Variants in HS3ST4 observed in about 807,000 individuals in gnomAD.
HS3ST4 encodes heparan sulfate glucosamine 3-O-sulfotransferase 4.
In HS3ST4, 17 loss-of-function variants were observed where a neutral mutation model predicts 29.2. That is an observed-to-expected ratio of 0.58 (90% CI 0.40 to 0.87). The LOEUF (loss-of-function observed/expected upper bound fraction) is 0.87. Among genes scored for constraint, HS3ST4 ranks in the 40% least tolerant of loss-of-function variants. The pLI, the probability that HS3ST4 is intolerant of heterozygous loss-of-function variation, is 0.00. For missense variants in HS3ST4, 627 were observed against 634.5 expected (o/e 0.99, Z 0.13); for synonymous variants, 314 against 285.7 (o/e 1.10, Z -1.00).
intron 1 of HS3ST4, among the ~76,000 whole-genome samples, chr16:25,882,128 G>GT (rs1194284778): frequency 6.6e-6 from 1 of 152,160 alleles, no homozygotes; most frequent in African/African-American, 2.4e-5. Context: ...GTAAATTCAG[G>GT]TAAGCTAGTG....
chr16:26,033,098 G>A (rs1303565630), intron 1 of HS3ST4, among the ~76,000 whole-genome samples: 1 of 152,176 alleles, frequency 6.6e-6, no homozygotes, highest in Non-Finnish European at 1.5e-5. Flanking sequence ...AACACAGGTG[G>A]CCGGGTGCAG....
chr16:25,989,552 C>A (rs985738444), intron 1 of HS3ST4, among the ~76,000 whole-genome samples: 1 of 152,114 alleles, frequency 6.6e-6, no homozygotes, highest in South Asian at 2.1e-4. Context: ...GATTAGTTAG[C>A]CTTAAATTTT....
At chr16:25,783,267 C>T (rs1347435148) in intron 1 of HS3ST4, among the ~76,000 whole-genome samples, 1 of 152,114 alleles carries the variant, frequency 6.6e-6, no homozygotes, top group Non-Finnish European at 1.5e-5. Context: ...ATTGGGACTC[C>T]TCCTCCAAGC....
chr16:25,720,273 G>A (rs1476647395), intron 1 of HS3ST4, among the ~76,000 whole-genome samples: 1 of 152,132 alleles, frequency 6.6e-6, no homozygotes. Flanking sequence ...AATGAGACTG[G>A]GACACAGTGA....
chr16:25,705,008 C>T (rs1737282125), intron 1 of HS3ST4, among the ~76,000 whole-genome samples: 1 of 152,120 alleles, frequency 6.6e-6, no homozygotes, highest in Non-Finnish European at 1.5e-5. Flanking sequence ...CTGTGAGCCA[C>T]CGCACCCGGC....
intron 1 of HS3ST4, among the ~76,000 whole-genome samples, chr16:25,701,256 A>C (rs960136621): frequency 1.3e-5 from 2 of 152,208 alleles, no homozygotes; most frequent in Admixed American, 1.3e-4. Context: ...TCTGTAGGAA[A>C]TTCCTAGAGA....
chr16:25,995,962 A>G (rs1388886283), intron 1 of HS3ST4, among the ~76,000 whole-genome samples: 1 of 151,990 alleles, frequency 6.6e-6, no homozygotes, highest in Non-Finnish European at 1.5e-5. Flanking sequence ...TCACCTTGCT[A>G]AGAAGTACAT....
Position 25,799,834 on chromosome 16 carries a change from A to T in HS3ST4, c.734+106683A>T, listed in dbSNP as rs1349141064. 2.7e-4 allele frequency among the ~76,000 whole-genome samples: 41 copies of T among 152,086 alleles called. 1 individual carries two copies. Among genetic ancestry groups the T allele is most frequent in the Admixed American group, 2.7e-3 (41 of 15,248 alleles). On this transcript the variant is annotated intron_variant, in intron 1 of 1. Coordinates refer to ENST00000331351, the MANE Select transcript of HS3ST4 (RefSeq NM_006040.3). ...TGTCTGTCTATCTATCTATGTATCT[A>T]CCCATCTATCTATCTATCCATTTTT...
chr16:25,742,602 G>A (rs1417752945), intron 1 of HS3ST4, among the ~76,000 whole-genome samples: 1 of 152,184 alleles, frequency 6.6e-6, no homozygotes, highest in African/African-American at 2.4e-5. Flanking sequence ...TAGATTCTGG[G>A]CAAGTGAAAG....
At chr16:25,886,081 G>A (rs960557828) in intron 1 of HS3ST4, among the ~76,000 whole-genome samples, 2 of 138,154 alleles carry the variant, frequency 1.4e-5, no homozygotes, top group Non-Finnish European at 3.0e-5. Flanking sequence ...CACCCAGGCT[G>A]GAGTGCAGGG....
chr16:25,818,357 C>T (rs1185781804), intron 1 of HS3ST4, among the ~76,000 whole-genome samples: 2 of 152,168 alleles, frequency 1.3e-5, no homozygotes, highest in African/African-American at 4.8e-5. Context: ...AAGGTGTCAT[C>T]TATAAACCAG....
intron 1 of HS3ST4, among the ~76,000 whole-genome samples, chr16:26,072,111 C>T (rs1898610045): frequency 6.6e-6 from 1 of 152,252 alleles, no homozygotes; most frequent in African/African-American, 2.4e-5. Flanking sequence ...TGTGAAACTT[C>T]GGCACCAGGA....
At chr16:26,063,697 T>TA (rs1898508363) in intron 1 of HS3ST4, among the ~76,000 whole-genome samples, 1 of 151,758 alleles carries the variant, frequency 6.6e-6, no homozygotes, top group Non-Finnish European at 1.5e-5. Context: ...CCCTGTCTCT[T>TA]AAAAAAATAA....
chr16:25,973,425 A>G (rs1170407901), intron 1 of HS3ST4, among the ~76,000 whole-genome samples: 1 of 152,234 alleles, frequency 6.6e-6, no homozygotes, highest in African/African-American at 2.4e-5. Context: ...CCTGCTCATA[A>G]CAATGTGGCA....
chr16:26,043,818 T>C (rs1898234120), intron 1 of HS3ST4, among the ~76,000 whole-genome samples: 1 of 152,204 alleles, frequency 6.6e-6, no homozygotes, highest in Non-Finnish European at 1.5e-5. Flanking sequence ...CATGATTAAT[T>C]GGTCCCCAAA....
chr16:25,937,060 C>A (rs899061325), intron 1 of HS3ST4, among the ~76,000 whole-genome samples: 1 of 152,062 alleles, frequency 6.6e-6, no homozygotes, highest in Non-Finnish European at 1.5e-5. Flanking sequence ...CTCAGATAGT[C>A]AGGACATGGT....
chr16:25,713,856 G>T (rs1966433935), intron 1 of HS3ST4, among the ~76,000 whole-genome samples: 1 of 152,152 alleles, frequency 6.6e-6, no homozygotes, highest in African/African-American at 2.4e-5. Context: ...GCAAATATGG[G>T]TCTAAGGGAT....
chr16:25,839,193 GATA>G (rs1455484160), intron 1 of HS3ST4, among the ~76,000 whole-genome samples: 3 of 152,178 alleles, frequency 2.0e-5, no homozygotes, highest in African/African-American at 4.8e-5. Context: ...TTGGAACAAA[GATA>G]ATATATTTAT....
intron 1 of HS3ST4, among the ~76,000 whole-genome samples, chr16:25,975,938 A>C (rs748635255): frequency 1.3e-5 from 2 of 152,214 alleles, no homozygotes; most frequent in African/African-American, 2.4e-5. Flanking sequence ...GCTGGGATGC[A>C]CAGAAACATG....
Sources: allele counts gnomAD v4.1 joint callset (sites outside exome capture counted in the v4.1 genomes callset), GRCh38; gene constraint gnomAD v4.1.1; transcripts MANE v1.5; gene names NCBI Gene and HGNC (gene_info 2026-07-23, HGNC 2026-07-21).